Variants in MSI2 observed in about 807,000 individuals in gnomAD.
The protein encoded by MSI2 is musashi RNA binding protein 2.
A neutral mutation model predicts 45.6 loss-of-function variants in MSI2; 17 were observed. The ratio of observed to expected loss-of-function variants is 0.37; its 90% CI spans 0.26 to 0.56. The LOEUF (loss-of-function observed/expected upper bound fraction) is 0.56. MSI2 is among the 20% of genes least tolerant of loss of function. The probability of loss-of-function intolerance (pLI) is 0.77; values close to 1 mark genes in which losing one functional copy is unlikely to be tolerated. For missense variants in MSI2, 293 were observed against 444.2 expected (o/e 0.66, Z 3.06); for synonymous variants, 156 against 158.2 (o/e 0.99, Z 0.11).
chr17:57,421,064 A>T (rs2084385924), intron 6 of MSI2, among the ~76,000 whole-genome samples: 1 of 152,038 alleles, frequency 6.6e-6, no homozygotes, highest in Non-Finnish European at 1.5e-5. Flanking sequence ...TTCCATTTTT[A>T]TACCCCACCC....
At chr17:57,700,777 C>T in the MSI2 span, among the ~76,000 whole-genome samples, 4 of 152,060 alleles carry the variant, frequency 2.6e-5, no homozygotes, top group Non-Finnish European at 5.9e-5. Context: ...TGGCAGCTGC[C>T]TGTAATCCCA....
chr17:57,680,030 A>G lies in MSI2; in HGVS notation c.*513A>G. The G allele has an allele frequency of 1.3e-5, 3 of 228,350 alleles. No individual in the cohort carries two copies. The highest frequency in any genetic ancestry group is 2.2e-5 in the African/African-American group (1 of 45,162). The allele number at this position is 228,350 out of a possible 1,614,324, so 14.1% of individuals were successfully genotyped here. ...GTAATATGACTCTCCATATTTTGGTACCAATTCTGAGACTGTATGAATTTT... is the reference window on the plus strand; with the variant it reads ...GTAATATGACTCTCCATATTTTGGTGCCAATTCTGAGACTGTATGAATTTT... On this transcript the variant is annotated 3_prime_UTR_variant, in exon 14 of 14. Coordinates refer to ENST00000284073, the MANE Select transcript of MSI2 (RefSeq NM_138962.4).
At chr17:57,319,052 G>T (rs1363443105) in intron 5 of MSI2, among the ~76,000 whole-genome samples, 1 of 152,250 alleles carries the variant, frequency 6.6e-6, no homozygotes, top group Non-Finnish European at 1.5e-5. Flanking sequence ...TGTGTGGGGA[G>T]CTGTGGCCGT....
chr17:57,505,305 G>A (rs1357792041), intron 6 of MSI2, among the ~76,000 whole-genome samples: 1 of 152,132 alleles, frequency 6.6e-6, no homozygotes. Context: ...GGATCAGGTA[G>A]GATGGATGAC....
intron 6 of MSI2, among the ~76,000 whole-genome samples, chr17:57,411,911 G>A (rs914351358): frequency 1.3e-5 from 2 of 151,964 alleles, no homozygotes; most frequent in Non-Finnish European, 2.9e-5. Context: ...GAAGGCTGAG[G>A]CAGGAGAATT....
chr17:57,416,896 A>C (rs979333060), intron 6 of MSI2, among the ~76,000 whole-genome samples: 3 of 152,196 alleles, frequency 2.0e-5, no homozygotes, highest in African/African-American at 7.2e-5. Context: ...CCATCCTTGC[A>C]TTCAGGAACC....
At chr17:57,365,088 C>T (rs144011780) in intron 5 of MSI2, 33 of 152,196 alleles carry the variant, frequency 2.2e-4, no homozygotes, top group African/African-American at 7.0e-4. Flanking sequence ...ACTTTTATTT[C>T]GTAAGAAAAT....
At chr17:57,594,605 G>T (rs1056958777) in intron 7 of MSI2, among the ~76,000 whole-genome samples, 1 of 152,188 alleles carries the variant, frequency 6.6e-6, no homozygotes, top group South Asian at 2.1e-4. Context: ...GGGCCAAGGA[G>T]AAGGAGATGC....
intron 5 of MSI2, among the ~76,000 whole-genome samples, chr17:57,351,577 C>T (rs940764056): frequency 3.3e-5 from 5 of 152,204 alleles, no homozygotes; most frequent in Non-Finnish European, 1.5e-5. Context: ...TGTGTATGGC[C>T]AGGTGCAACG....
At chr17:57,388,380 A>G (rs1031212731) in intron 5 of MSI2, among the ~76,000 whole-genome samples, 5 of 152,158 alleles carry the variant, frequency 3.3e-5, no homozygotes, top group East Asian at 1.9e-4. Flanking sequence ...ATTTCCAAAG[A>G]CCACTGCGCT....
chr17:57,647,888 C>T (rs958531332), intron 10 of MSI2, among the ~76,000 whole-genome samples: 40 of 148,668 alleles, frequency 2.7e-4, no homozygotes, highest in Middle Eastern at 7.1e-3. Flanking sequence ...GTGATCCTCC[C>T]GCCTCAGCCT....
At chr17:57,689,594 G>A (rs1186263884), downstream of MSI2, among the ~76,000 whole-genome samples, 6 of 152,160 alleles carry the variant, frequency 3.9e-5, no homozygotes, top group African/African-American at 1.4e-4. Flanking sequence ...AATTCCACGA[G>A]TTTTGACAAA....
intron 6 of MSI2, among the ~76,000 whole-genome samples, chr17:57,444,081 C>T (rs1019661153): frequency 6.6e-6 from 1 of 152,132 alleles, no homozygotes; most frequent in Non-Finnish European, 1.5e-5. Context: ...ACTTCTGCCC[C>T]ATTCCCCTCA....
intron 5 of MSI2, among the ~76,000 whole-genome samples, chr17:57,360,590 T>G (rs1916747953): frequency 6.6e-6 from 1 of 152,232 alleles, no homozygotes; most frequent in South Asian, 2.1e-4. Context: ...TGTTTCTGAG[T>G]GTTTTGTGTG....
chr17:57,646,942 G>A (rs1487848501), intron 10 of MSI2, among the ~76,000 whole-genome samples: 2 of 152,166 alleles, frequency 1.3e-5, no homozygotes, highest in Non-Finnish European at 2.9e-5. Flanking sequence ...TCAGCAAAAT[G>A]ATTTTCTCTT....
At chr17:57,659,435 T>C (rs898064207) in intron 11 of MSI2, among the ~76,000 whole-genome samples, 3 of 152,162 alleles carry the variant, frequency 2.0e-5, no homozygotes, top group Non-Finnish European at 4.4e-5. Context: ...CCGTGATGTA[T>C]ATTACCATAG....
At chr17:57,436,378 G>T (rs2084690729) in intron 6 of MSI2, among the ~76,000 whole-genome samples, 1 of 152,228 alleles carries the variant, frequency 6.6e-6, no homozygotes, top group South Asian at 2.1e-4. Context: ...AATAGACTGG[G>T]ACTGGGAACA....
chr17:57,660,709 A>C (rs1165795398), intron 11 of MSI2, among the ~76,000 whole-genome samples: 7 of 152,236 alleles, frequency 4.6e-5, no homozygotes, highest in African/African-American at 9.6e-5. Flanking sequence ...TTAAAGGACA[A>C]ATAGGAGCTC....
intron 6 of MSI2, among the ~76,000 whole-genome samples, chr17:57,491,830 T>C (rs2085878370): frequency 1.3e-5 from 2 of 152,244 alleles, no homozygotes; most frequent in South Asian, 4.1e-4. Flanking sequence ...TCATTCAACC[T>C]TTCTAGCCTG....
Sources: allele counts gnomAD v4.1 joint callset (sites outside exome capture counted in the v4.1 genomes callset), GRCh38; gene constraint gnomAD v4.1.1; transcripts MANE v1.5; gene names NCBI Gene and HGNC (gene_info 2026-07-23, HGNC 2026-07-21).